The following USO1 variants were observed in gnomAD, a reference collection of about 807,000 sequenced individuals.
USO1 encodes the protein USO1 vesicle transport factor.
In USO1, 57 loss-of-function variants were observed where a neutral mutation model predicts 124.5. The ratio of observed to expected loss-of-function variants is 0.46; its 90% CI spans 0.37 to 0.57. The LOEUF (loss-of-function observed/expected upper bound fraction) is 0.57, where lower values mean the gene tolerates loss of function less well. Among genes scored for constraint, USO1 ranks in the 20% least tolerant of loss-of-function variants. USO1 has a pLI of 0.00. For missense variants in USO1, 900 were observed against 1,040.6 expected (o/e 0.86, Z 1.86); for synonymous variants, 369 against 362.8 (o/e 1.02, Z -0.19).
At chr4:75,788,316 C>G (rs1176433744) in intron 10 of USO1, among the ~76,000 whole-genome samples, 1 of 147,802 alleles carries the variant, frequency 6.8e-6, no homozygotes, top group Non-Finnish European at 1.5e-5. Context: ...TACAGGCACC[C>G]GCCACCATGC....
In USO1 at chr4:75,806,022, G is replaced by A. The variant is rs150080605; in HGVS notation, c.2290-464G>A. ...TTTTTTTCTTTAGAGACAGAGTCTC[G>A]CTCTGTTAGCCCAGTCTGGAGCGCA... is the stretch of plus-strand genomic sequence containing the variant. On this transcript the variant is annotated intron_variant, in intron 19 of 23. Transcript: ENST00000514213. Among the ~76,000 whole-genome samples the A allele has an allele frequency of 7.3e-3, 1,109 of 151,918 alleles. 13 individuals carry two copies. Among genetic ancestry groups the A allele is most frequent in the African/African-American group, 0.026 (1,065 of 41,440 alleles).
chr4:75,754,302 C>T (rs1386753936), intron 3 of USO1, among the ~76,000 whole-genome samples: 3 of 151,872 alleles, frequency 2.0e-5, no homozygotes, highest in Non-Finnish European at 2.9e-5. Context: ...AGGCTGGTCT[C>T]GAACTCCTGA....
intron 19 of USO1, 73 bp downstream of exon 19, chr4:75,805,376 C>G: frequency 2.1e-6 from 3 of 1,429,506 alleles, no homozygotes. Flanking sequence ...TTTTTTTTTT[C>G]CTTGGATCTC....
chr4:75,748,159 C>T (rs1428563620), intron 1 of USO1, among the ~76,000 whole-genome samples: 2 of 151,762 alleles, frequency 1.3e-5, no homozygotes, highest in Non-Finnish European at 2.9e-5. Flanking sequence ...CCCCTTCAGC[C>T]TCCCAAAGTG....
At chr4:75,779,186 C>T (rs950199591) in intron 8 of USO1, among the ~76,000 whole-genome samples, 2 of 152,130 alleles carry the variant, frequency 1.3e-5, no homozygotes, top group Non-Finnish European at 2.9e-5. Flanking sequence ...CTCTCTCTCT[C>T]CCACTCTGTC....
At chr4:75,751,773 A>C (rs960635839) in intron 1 of USO1, among the ~76,000 whole-genome samples, 1 of 151,682 alleles carries the variant, frequency 6.6e-6, no homozygotes, top group South Asian at 2.1e-4. Context: ...CGGAGGTTGC[A>C]GTGAGCCGAG....
chr4:75,734,675 A>G (rs929143762), intron 1 of USO1, among the ~76,000 whole-genome samples: 3 of 136,560 alleles, frequency 2.2e-5, no homozygotes, highest in Non-Finnish European at 4.6e-5. Context: ...TGGTAGTTTG[A>G]TAGGAATAGC....
At chr4:75,753,176 T>G (rs1388073175) in intron 3 of USO1, among the ~76,000 whole-genome samples, 6 of 152,064 alleles carry the variant, frequency 3.9e-5, no homozygotes, top group Non-Finnish European at 1.5e-5. Context: ...TCCAGCACCT[T>G]GGAAGGCTGA....
At chr4:75,728,510 C>T (rs894910023) in intron 1 of USO1, among the ~76,000 whole-genome samples, 1 of 152,088 alleles carries the variant, frequency 6.6e-6, no homozygotes, top group African/African-American at 2.4e-5. Flanking sequence ...ATTAGCTGGG[C>T]ATGGTGGCAC....
At chr4:75,785,701 G>A (rs550717878) in intron 9 of USO1, among the ~76,000 whole-genome samples, 5 of 152,080 alleles carry the variant, frequency 3.3e-5, no homozygotes, top group East Asian at 1.9e-4. Context: ...ACACTCAACT[G>A]CTATTAGAGG....
At chr4:75,739,538 CT>C (rs753369609) in intron 1 of USO1, among the ~76,000 whole-genome samples, 1,665 of 105,412 alleles carry the variant, frequency 0.016, 20 homozygotes, top group African/African-American at 0.054. Flanking sequence ...TTATCTTTTT[CT>C]TTTTTTTTTT....
intron 11 of USO1, 65 bp downstream of exon 11, chr4:75,790,303 CAT>C: frequency 6.6e-7 from 1 of 1,519,876 alleles, no homozygotes; most frequent in Non-Finnish European, 8.8e-7. Context: ...TAATGTATCT[CAT>C]ATACACATCT....
At chr4:75,735,825 A>T (rs1720772400) in intron 1 of USO1, among the ~76,000 whole-genome samples, 1 of 152,054 alleles carries the variant, frequency 6.6e-6, no homozygotes, top group Non-Finnish European at 1.5e-5. Flanking sequence ...TTTCATTTTC[A>T]CATTCCTCAT....
At chr4:75,808,829 T>TA (rs2149195636) in intron 20 of USO1, 124 bp from the exon 21 acceptor site, 2 of 1,145,394 alleles carry the variant, frequency 1.7e-6, no homozygotes, top group Admixed American at 6.4e-5. Context: ...CAAGAATAGT[T>TA]CTTTAGAGTT....
intron 17 of USO1, 93 bp downstream of exon 17, chr4:75,801,293 G>A: frequency 7.2e-7 from 1 of 1,385,116 alleles, no homozygotes; most frequent in South Asian, 2.0e-5. Flanking sequence ...AAATGAAAGA[G>A]GATATAGAAA....
At chr4:75,727,522 G>A (rs951724056) in intron 1 of USO1, among the ~76,000 whole-genome samples, 3 of 151,960 alleles carry the variant, frequency 2.0e-5, no homozygotes, top group Non-Finnish European at 2.9e-5. Flanking sequence ...TCACTATTTC[G>A]TTCCACCAGG....
intron 19 of USO1, among the ~76,000 whole-genome samples, chr4:75,805,643 G>T (rs1722976741): frequency 6.6e-6 from 1 of 151,698 alleles, no homozygotes; most frequent in South Asian, 2.1e-4. Flanking sequence ...GGAGGTAGAG[G>T]TTGCAGTGAG....
chr4:75,730,058 CTT>C, intron 1 of USO1: 1 of 258,722 alleles, frequency 3.9e-6, no homozygotes. Flanking sequence ...TGTTTTCTCT[CTT>C]GGCCTGTTTT....
At chr4:75,802,736 CTTTTTTT>C (rs997798305) in intron 17 of USO1, among the ~76,000 whole-genome samples, 10 of 63,740 alleles carry the variant, frequency 1.6e-4, no homozygotes, top group Non-Finnish European at 2.2e-4. Context: ...TTTTTCTTTT[CTTTTTTT>C]TTTTTTTTTT....
Sources: allele counts gnomAD v4.1 joint callset (sites outside exome capture counted in the v4.1 genomes callset), GRCh38; gene constraint gnomAD v4.1.1; transcripts MANE v1.5; gene names NCBI Gene and HGNC (gene_info 2026-07-23, HGNC 2026-07-21).